AMBRA1: variants seen among roughly 807,000 people sequenced by gnomAD.
AMBRA1 encodes the protein autophagy and beclin 1 regulator 1.
A neutral mutation model predicts 125.4 loss-of-function variants in AMBRA1; 47 were observed. The observed-to-expected ratio is 0.37, with a 90% CI of 0.30 to 0.48. AMBRA1 has a LOEUF of 0.48. AMBRA1 is among the 20% of genes least tolerant of loss of function. The probability of loss-of-function intolerance (pLI) is 0.99; values close to 1 mark genes in which losing one functional copy is unlikely to be tolerated. For synonymous variants in AMBRA1, 626 were observed against 655.5 expected, an observed-to-expected ratio of 0.95 and a Z score of 0.69; for missense variants, 1,331 against 1,693.4, an observed-to-expected ratio of 0.79 and a Z score of 3.76.
At chr11:46,570,876 C>T (rs1003896806) in intron 1 of AMBRA1, among the ~76,000 whole-genome samples, 2 of 152,078 alleles carry the variant, frequency 1.3e-5, no homozygotes, top group African/African-American at 4.8e-5. Context: ...CTACACGATG[C>T]AGCAAGCCCT....
chr11:46,485,737 C>T (rs566224305), intron 11 of AMBRA1, among the ~76,000 whole-genome samples: 1 of 152,252 alleles, frequency 6.6e-6, no homozygotes, highest in East Asian at 1.9e-4. Context: ...AAAAGAGAGA[C>T]AAAAGCACAG....
At chr11:46,585,474 T>A (rs1167400917) in intron 1 of AMBRA1, among the ~76,000 whole-genome samples, 2 of 149,228 alleles carry the variant, frequency 1.3e-5, no homozygotes, top group African/African-American at 4.9e-5. Flanking sequence ...GAGACCATCC[T>A]GGCTAACATG....
chr11:46,497,245 C>A (rs1223106943), intron 9 of AMBRA1, among the ~76,000 whole-genome samples: 1 of 152,026 alleles, frequency 6.6e-6, no homozygotes, highest in East Asian at 1.9e-4. Flanking sequence ...AAAATATGGT[C>A]AGAGATAATG....
At chr11:46,548,617 C>CA (rs1399362353) in intron 1 of AMBRA1, 117 bp from the exon 2 acceptor site, 1 of 491,476 alleles carries the variant, frequency 2.0e-6, no homozygotes, top group East Asian at 3.4e-5. Context: ...GACACTTTCT[C>CA]AGAAAAGACC....
At chr11:46,432,018 G>A (rs1310096547) in intron 14 of AMBRA1, among the ~76,000 whole-genome samples, 1 of 152,154 alleles carries the variant, frequency 6.6e-6, no homozygotes, top group Non-Finnish European at 1.5e-5. Context: ...AAATGATAAA[G>A]AGGATGCTTT....
At chr11:46,518,363 G>A (rs776361008) in intron 7 of AMBRA1, 2 of 186,926 alleles carry the variant, frequency 1.1e-5, no homozygotes, top group South Asian at 1.4e-4. Context: ...CTGGGAGGCG[G>A]AGCTTGCAGT....
chr11:46,548,422 G>A lies in AMBRA1; in HGVS notation c.-42C>T. 1.9e-6 allele frequency: 3 copies of A among 1,610,306 alleles called. No homozygotes were observed. Among genetic ancestry groups the A allele is most frequent in the Non-Finnish European group, 2.5e-6 (3 of 1,179,054 alleles). ...TGTCACACCAGGCCCAGGAAATGAA[G>A]GAGCAAGTAACAGCTCCAACACACT... On this transcript the variant is annotated 5_prime_UTR_variant, in exon 2 of 18. Coordinates refer to ENST00000683756, the MANE Select transcript of AMBRA1 (RefSeq NM_001387011.1).
intron 1 of AMBRA1, among the ~76,000 whole-genome samples, chr11:46,566,404 C>A (rs1408241247): frequency 6.7e-6 from 1 of 149,118 alleles, no homozygotes; most frequent in Non-Finnish European, 1.5e-5. Context: ...GGTGACACAG[C>A]GAGACTACAT....
At chr11:46,515,660 G>T (rs1951445995) in intron 7 of AMBRA1, among the ~76,000 whole-genome samples, 1 of 152,048 alleles carries the variant, frequency 6.6e-6, no homozygotes, top group Non-Finnish European at 1.5e-5. Context: ...GGTAACTTCA[G>T]TTTTAATGAC....
chr11:46,498,125 T>C (rs1035444443), intron 9 of AMBRA1, among the ~76,000 whole-genome samples: 10 of 152,028 alleles, frequency 6.6e-5, no homozygotes, highest in East Asian at 3.8e-4. Context: ...TATGAGTGAA[T>C]TGGAAGATAT....
chr11:46,593,591 C>T (rs762528722), intron 1 of AMBRA1, among the ~76,000 whole-genome samples: 11 of 152,182 alleles, frequency 7.2e-5, no homozygotes, highest in Non-Finnish European at 1.2e-4. Flanking sequence ...TGCCCTAGAC[C>T]CAACATCTCC....
rs1184206396 is a variant in AMBRA1, at chr11:46,508,191, T to A, written c.2339A>T (p.Glu780Val). ...EGTDLEFEDF[E>V]DNGDRSRHRA... is the part of the protein sequence containing the mutation. ...GAAAGCAAGCTGAGTATGTACTTAC[T>A]CAAAGTCCTCAAATTCCAAGTCGGT... Residue 780 changes from glutamate (E) to valine (V), a missense_variant and splice_region_variant, in exon 9 of 18, where the codon GAG becomes GTG. Glu to Val is a moderately radical substitution (Grantham distance 121). Around this residue, in one of 4 missense-constraint regions of AMBRA1, gnomAD observed 689 missense variants for 776.5 expected, o/e 0.89. Transcript: ENST00000683756. 3.1e-6 allele frequency: 5 copies of A among 1,614,046 alleles called. No homozygotes were observed. In the South Asian group the frequency reaches 5.5e-5, roughly 18 times the overall value.
chr11:46,572,988 G>A (rs545443384), intron 1 of AMBRA1, among the ~76,000 whole-genome samples: 4 of 151,834 alleles, frequency 2.6e-5, no homozygotes, highest in East Asian at 1.9e-4. Context: ...CTACTCGGGA[G>A]GCTGCAGGAG....
At chr11:46,513,337 A>G (rs1367391000) in intron 7 of AMBRA1, among the ~76,000 whole-genome samples, 1 of 150,340 alleles carries the variant, frequency 6.7e-6, no homozygotes, top group East Asian at 1.9e-4. Context: ...TTAAAAATAT[A>G]AATATATATA....
intron 15 of AMBRA1, among the ~76,000 whole-genome samples, chr11:46,415,546 C>T (rs1445912791): frequency 6.6e-6 from 1 of 152,218 alleles, no homozygotes; most frequent in African/African-American, 2.4e-5. Context: ...ATTGCTCACA[C>T]ACAGTCTTCC....
At chr11:46,563,420 T>G (rs1480124459) in intron 1 of AMBRA1, among the ~76,000 whole-genome samples, 6 of 151,992 alleles carry the variant, frequency 3.9e-5, no homozygotes, top group African/African-American at 1.4e-4. Context: ...GAGACAAGGT[T>G]TCACTATGTG....
chr11:46,522,643 CT>C (rs1215057500), intron 7 of AMBRA1, among the ~76,000 whole-genome samples: 2 of 152,212 alleles, frequency 1.3e-5, no homozygotes, highest in Admixed American at 1.3e-4. Context: ...TGATTTCCCC[CT>C]GGAATTTATT....
At position 46,433,507 on chromosome 11, in the gene AMBRA1, C is replaced by T; in HGVS notation, c.2943G>A (p.Leu981=). ...TEHMVAQVFR[L]QQAHGGETSM... is the part of the protein sequence containing the mutation. ...AGGTCTCTCCACCATGGGCCTGTTG[C>T]AGCCTGAAGACCTGGGCCACCATGT... The change falls in exon 14 of 18, where the codon CTG becomes CTA. Residue 981 remains leucine (L), a synonymous_variant. Transcript: ENST00000683756. 1.2e-6 allele frequency: 2 copies of T among 1,614,162 alleles called. No individual in the cohort carries two copies. The highest frequency in any genetic ancestry group is 4.5e-5 in the East Asian group (2 of 44,878).
At chr11:46,585,112 C>T (rs1460145199) in intron 1 of AMBRA1, among the ~76,000 whole-genome samples, 1 of 151,970 alleles carries the variant, frequency 6.6e-6, no homozygotes, top group Middle Eastern at 3.2e-3. Context: ...GGATTAAGGG[C>T]GGTGCAAGAT....
Sources: gnomAD v4.1 joint callset for allele counts (sites outside exome capture counted in the v4.1 genomes callset) on GRCh38, gnomAD v4.1.1 for gene constraint, gnomAD v4.1.1 regional missense constraint, MANE v1.5 for transcripts, NCBI Gene and HGNC (gene_info 2026-07-23, HGNC 2026-07-21) for gene names.